Variants in MAP4K4 observed in about 807,000 individuals in gnomAD.
MAP4K4 encodes the protein HPK/GCK-like kinase HGK.
In MAP4K4, 38 loss-of-function variants were observed where a neutral mutation model predicts 189.6. The observed-to-expected ratio is 0.20, with a 90% confidence interval of 0.15 to 0.26. The LOEUF is 0.26. Ranked by LOEUF, MAP4K4 falls within the 10% of genes least tolerant of loss-of-function variation. The pLI is 1.00. For synonymous variants in MAP4K4, 610 were observed against 624.3 expected, an observed-to-expected ratio of 0.98 and a Z score of 0.34; for missense variants, 1,054 against 1,726.9, an observed-to-expected ratio of 0.61 and a Z score of 6.91.
intron 3 of MAP4K4, among the ~76,000 whole-genome samples, chr2:101,808,834 T>C (rs570770704): frequency 1.3e-5 from 2 of 152,188 alleles, no homozygotes; most frequent in East Asian, 3.9e-4. Flanking sequence ...ATTTTTTAAA[T>C]GATGGAAAGG....
intron 29 of MAP4K4, 148 bp from the exon 30 acceptor site, chr2:101,886,940 G>T: frequency 1.9e-6 from 1 of 536,948 alleles, no homozygotes; most frequent in East Asian, 3.6e-5. Context: ...CAGGAGAATG[G>T]TGCGAACCTG....
chr2:101,853,148 GT>G (rs1283430335), intron 12 of MAP4K4, among the ~76,000 whole-genome samples: 1 of 152,206 alleles, frequency 6.6e-6, no homozygotes, highest in Non-Finnish European at 1.5e-5. Flanking sequence ...TTGCTAAGTA[GT>G]TGCCAGGTGC....
In MAP4K4 at chr2:101,786,683, A is replaced by C. The variant is rs1349161510; in HGVS notation, c.124-4037A>C. ...GAAACAGTAGGAGTCCCTCTCTTGA[A>C]GTATGTATATAAAATCACTGTGGAA... On this transcript the variant is annotated intron_variant, in intron 2 of 32. Transcript: ENST00000324219. Among the ~76,000 whole-genome samples, 4 of 152,318 alleles carry C rather than the reference A, an allele frequency of 2.6e-5. No individual in the cohort carries two copies. The East Asian group carries it at 7.7e-4, about 29-fold the overall frequency.
At chr2:101,752,838 T>G (rs539369928) in intron 2 of MAP4K4, among the ~76,000 whole-genome samples, 1 of 152,334 alleles carries the variant, frequency 6.6e-6, no homozygotes, top group South Asian at 2.1e-4. Flanking sequence ...CTGGCCACTG[T>G]CCACGTCTGT....
chr2:101,775,052 T>TTTTTG (rs1486080951), intron 2 of MAP4K4, among the ~76,000 whole-genome samples: 1 of 148,888 alleles, frequency 6.7e-6, no homozygotes, highest in Non-Finnish European at 1.5e-5. Flanking sequence ...TTTTTTTTTT[T>TTTTTG]TTAAAGGGGC....
At chr2:101,832,272 T>G (rs1189617680) in intron 7 of MAP4K4, among the ~76,000 whole-genome samples, 1 of 152,216 alleles carries the variant, frequency 6.6e-6, no homozygotes, top group Non-Finnish European at 1.5e-5. Context: ...GTACACAAAT[T>G]TATTTAAATT....
intron 32 of MAP4K4, among the ~76,000 whole-genome samples, chr2:101,889,719 G>C (rs1008291323): frequency 3.9e-5 from 6 of 152,290 alleles, no homozygotes; most frequent in Admixed American, 3.9e-4. Context: ...TTGAAACTTG[G>C]CCCTGAAGAA....
chr2:101,759,170 C>T (rs1228879519), intron 2 of MAP4K4, among the ~76,000 whole-genome samples: 1 of 150,482 alleles, frequency 6.6e-6, no homozygotes, highest in Non-Finnish European at 1.5e-5. Context: ...GTTGCCATTT[C>T]GTTTTGGGGT....
intron 2 of MAP4K4, among the ~76,000 whole-genome samples, chr2:101,767,286 G>A (rs2079029215): frequency 6.6e-6 from 1 of 152,204 alleles, no homozygotes; most frequent in African/African-American, 2.4e-5. Context: ...AGCAAACCGA[G>A]AGCCACACAT....
At chr2:101,887,415 C>T (rs538334341) in intron 30 of MAP4K4, among the ~76,000 whole-genome samples, 178 bp downstream of exon 30, 4 of 152,294 alleles carry the variant, frequency 2.6e-5, no homozygotes, top group South Asian at 2.1e-4. Flanking sequence ...AGTGGAAATC[C>T]GCCTTCCTGG....
intron 18 of MAP4K4, 95 bp from the exon 19 acceptor site, chr2:101,866,333 A>G (rs1475448408): frequency 1.7e-6 from 2 of 1,211,210 alleles, no homozygotes; most frequent in East Asian, 2.4e-5. Flanking sequence ...CTACACTTTA[A>G]AGACATTGGA....
intron 2 of MAP4K4, among the ~76,000 whole-genome samples, chr2:101,758,975 T>C (rs904553579): frequency 6.6e-6 from 1 of 150,566 alleles, no homozygotes; most frequent in African/African-American, 2.4e-5. Flanking sequence ...CTACTAAAAA[T>C]ACAAAAAATT....
chr2:101,714,010 A>G (rs1041058664), intron 2 of MAP4K4, among the ~76,000 whole-genome samples: 3 of 152,006 alleles, frequency 2.0e-5, no homozygotes, highest in Non-Finnish European at 4.4e-5. Flanking sequence ...ACAAGAGCCA[A>G]TATTTTAATA....
At chr2:101,815,412 T>A (rs1040366333) in intron 3 of MAP4K4, among the ~76,000 whole-genome samples, 2 of 152,182 alleles carry the variant, frequency 1.3e-5, no homozygotes, top group Admixed American at 1.3e-4. Context: ...CCAACAGACG[T>A]AATAGTTTAT....
chr2:101,730,393 G>T (rs2057889468), intron 2 of MAP4K4, among the ~76,000 whole-genome samples: 1 of 152,152 alleles, frequency 6.6e-6, no homozygotes, highest in Non-Finnish European at 1.5e-5. Context: ...CCTTTTTGGG[G>T]TTGTGGTAGG....
At chr2:101,765,888 GTTGAATT>G (rs2150258352) in intron 2 of MAP4K4, among the ~76,000 whole-genome samples, 1 of 152,216 alleles carries the variant, frequency 6.6e-6, no homozygotes, top group Non-Finnish European at 1.5e-5. Flanking sequence ...TGTAGACCCG[GTTGAATT>G]TCTCTAAAGG....
intron 9 of MAP4K4, among the ~76,000 whole-genome samples, chr2:101,837,697 T>C (rs1402657930): frequency 6.6e-6 from 1 of 152,138 alleles, no homozygotes; most frequent in Non-Finnish European, 1.5e-5. Flanking sequence ...ATTTTCCCCT[T>C]TTCTTTATCT....
chr2:101,718,965 T>C (rs189095931), intron 2 of MAP4K4, among the ~76,000 whole-genome samples: 2 of 152,306 alleles, frequency 1.3e-5, no homozygotes, highest in African/African-American at 4.8e-5. Flanking sequence ...GGTTATGTCT[T>C]ATCCATGTGG....
intron 3 of MAP4K4, among the ~76,000 whole-genome samples, chr2:101,796,937 A>G: frequency 6.6e-6 from 1 of 152,222 alleles, no homozygotes. Flanking sequence ...GAAAGGCAAG[A>G]GCCATACAAG....
Sources: allele counts gnomAD v4.1 joint callset (sites outside exome capture counted in the v4.1 genomes callset), GRCh38; gene constraint gnomAD v4.1.1; transcripts MANE v1.5; gene names NCBI Gene and HGNC (gene_info 2026-07-23, HGNC 2026-07-21).